SLAIN1: variants seen among roughly 807,000 people sequenced by gnomAD.
SLAIN1 encodes the protein SLAIN motif-containing protein 1.
In SLAIN1, 17 loss-of-function variants were observed where a neutral mutation model predicts 55.4. That is an observed-to-expected ratio of 0.31 (90% CI 0.21 to 0.46). SLAIN1 has a LOEUF of 0.46. SLAIN1 is among the 20% of genes least tolerant of loss of function. The pLI is 1.00. For synonymous variants in SLAIN1, 348 were observed against 337.4 expected (o/e 1.03, Z -0.35); for missense variants, 682 against 785.1 (o/e 0.87, Z 1.57).
At chr13:77,716,598 T>A (rs921283750) in intron 1 of SLAIN1, among the ~76,000 whole-genome samples, 2 of 152,304 alleles carry the variant, frequency 1.3e-5, no homozygotes, top group East Asian at 3.9e-4. Context: ...TTGTCAGATT[T>A]ATCCTTAAGC....
intron 4 of SLAIN1, among the ~76,000 whole-genome samples, chr13:77,752,123 G>A (rs61963726): frequency 0.03 from 4,574 of 152,058 alleles, 116 homozygotes; most frequent in Non-Finnish European, 0.044. Flanking sequence ...GCAAACATTT[G>A]GTGGCGTACT....
At chr13:77,716,554 T>G (rs2091209900) in intron 1 of SLAIN1, among the ~76,000 whole-genome samples, 1 of 152,170 alleles carries the variant, frequency 6.6e-6, no homozygotes, top group African/African-American at 2.4e-5. Context: ...TCAGAATGTT[T>G]TGTAGTCTTC....
Position 77,746,693 on chromosome 13 carries a change from C to A in SLAIN1, c.1096C>A (p.Pro366Thr), listed in dbSNP as rs1174222323. 1.2e-6 allele frequency: 2 copies of A among 1,613,772 alleles called. No homozygotes were observed. The highest frequency in any genetic ancestry group is 1.7e-6 in the Non-Finnish European group (2 of 1,179,820). The change falls in exon 4 of 7, where the codon CCT becomes ACT. Residue 366 changes from proline to threonine, a missense_variant. Physicochemically the swap from Pro to Thr is conservative, Grantham distance 38. Around this residue, in one of 3 missense-constraint regions of SLAIN1, gnomAD observed 244 missense variants for 295.2 expected, o/e 0.83. Transcript: ENST00000418532. ...PPQPRLPRCS[P>T]FQRGIPHSQT... ...TCAGCCTCGTCTTCCAAGATGTTCC[C>A]CTTTCCAAAGAGGAATTCCCCATTC...
chr13:77,738,062 A>G (rs1304579878), intron 2 of SLAIN1, among the ~76,000 whole-genome samples: 2 of 152,002 alleles, frequency 1.3e-5, no homozygotes, highest in Non-Finnish European at 2.9e-5. Context: ...TATCTGTGGA[A>G]GATATTTAGG....
At chr13:77,720,518 G>A (rs1230063697) in intron 2 of SLAIN1, among the ~76,000 whole-genome samples, 1 of 152,158 alleles carries the variant, frequency 6.6e-6, no homozygotes, top group Non-Finnish European at 1.5e-5. Flanking sequence ...AGCTCTTTGA[G>A]GATAATGAAT....
chr13:77,746,285 A>T (rs918701352), intron 3 of SLAIN1, among the ~76,000 whole-genome samples: 9 of 152,154 alleles, frequency 5.9e-5, no homozygotes, highest in Non-Finnish European at 1.5e-5. Context: ...TCCTCACTGG[A>T]ATTGGGGCAA....
At chr13:77,761,483 C>T (rs183882792) in intron 6 of SLAIN1, among the ~76,000 whole-genome samples, 77 of 152,206 alleles carry the variant, frequency 5.1e-4, no homozygotes, top group African/African-American at 1.7e-3. Context: ...AATTGTAGGG[C>T]GGGGGGAGGT....
intron 5 of SLAIN1, among the ~76,000 whole-genome samples, chr13:77,760,297 T>C (rs1291379357): frequency 1.3e-5 from 2 of 152,238 alleles, no homozygotes; most frequent in African/African-American, 4.8e-5. Flanking sequence ...CTTCATTTTA[T>C]AGGTTTTGCT....
At position 77,719,655 on chromosome 13, in the gene SLAIN1, C is replaced by T; in HGVS notation, c.750C>T (p.Cys250=). Residue 250 remains cysteine, a synonymous_variant, in exon 2 of 7, where the codon TGC becomes TGT. Coordinates refer to ENST00000418532, the MANE Select transcript of SLAIN1 (RefSeq NM_001242868.2). ...PEMEAARRSL[C]FRLEQGYTSR... is the part of the protein sequence containing the mutation. ...TGGAAGCAGCGAGACGTTCCCTGTG[C>T]TTTAGACTGGAGCAAGGTAATTGTG... 6.2e-7 allele frequency: 1 copy of T among 1,613,326 alleles called. No individual in the cohort carries two copies. The highest frequency in any genetic ancestry group is 8.5e-7 in the Non-Finnish European group (1 of 1,179,506).
Position 77,764,213 on chromosome 13 carries a change from A to C in SLAIN1, c.*993A>C, listed in dbSNP as rs1002524841. On this transcript the variant is annotated 3_prime_UTR_variant, in exon 7 of 7. Coordinates refer to ENST00000418532, the MANE Select transcript of SLAIN1 (RefSeq NM_001242868.2). ...GCTGTTTTGGAATGTTCAGAAATAA[A>C]GACTCTATTTCAGCAATATCAGGTC... 1.3e-5 allele frequency: 2 copies of C among 152,656 alleles called. No homozygotes were observed. The highest frequency in any genetic ancestry group is 1.3e-4 in the Admixed American group (2 of 15,284). The allele number at this position is 152,656 out of a possible 1,614,324, so 9.5% of individuals were successfully genotyped here. A position where few individuals can be genotyped will look rare whatever the true frequency, so the allele number is the denominator to read the frequency against.
At chr13:77,744,987 G>C (rs903459818) in intron 3 of SLAIN1, among the ~76,000 whole-genome samples, 3 of 152,026 alleles carry the variant, frequency 2.0e-5, no homozygotes, top group African/African-American at 7.2e-5. Context: ...TCATAAGAGA[G>C]TGCATACTGT....
At chr13:77,758,443 ATTTAT>A (rs1280088958) in intron 5 of SLAIN1, among the ~76,000 whole-genome samples, 1 of 151,594 alleles carries the variant, frequency 6.6e-6, no homozygotes, top group African/African-American at 2.4e-5. Context: ...GGTCCCATTT[ATTTAT>A]TTTTGTTTGA....
In SLAIN1 at chr13:77,698,687, G is replaced by C; in HGVS notation, c.626+148G>C. The C allele has an allele frequency of 8.1e-7, 1 of 1,239,474 alleles. No homozygotes were observed. The highest frequency in any genetic ancestry group is 2.1e-5 in the South Asian group (1 of 47,242). 76.8% of individuals were successfully genotyped at this position (1,239,474 alleles called of 1,614,324 possible). On this transcript the variant is annotated intron_variant, in intron 1 of 6. Transcript: ENST00000418532. The surrounding 1 kb of genome is among the most constrained non-coding windows in gnomAD (Gnocchi z 4.1). ...CGGAGGGGCCGACCCAGCAGGTGTT[G>C]AGCCAGGCGGTGACACTTCCCACGA...
chr13:77,761,148 G>C, intron 6 of SLAIN1, 38 bp downstream of exon 6: 1 of 1,601,286 alleles, frequency 6.2e-7, no homozygotes, highest in Non-Finnish European at 8.5e-7. Flanking sequence ...TTTGCAGTTT[G>C]GAACTAGAAA....
intron 4 of SLAIN1, among the ~76,000 whole-genome samples, chr13:77,751,923 T>G (rs1298397998): frequency 1.3e-5 from 2 of 152,128 alleles, no homozygotes; most frequent in South Asian, 2.1e-4. Flanking sequence ...CTTTAGTTTT[T>G]GGGGGATGTG....
chr13:77,751,951 G>C (rs1426860389), intron 4 of SLAIN1, among the ~76,000 whole-genome samples: 4 of 152,044 alleles, frequency 2.6e-5, no homozygotes, highest in African/African-American at 9.7e-5. Context: ...CAAGGAAAAA[G>C]TGTCTCATAG....
rs1358062881 is a variant in SLAIN1, at chr13:77,717,586, C to T, written c.627-1946C>T. 2.6e-5 allele frequency among the ~76,000 whole-genome samples: 4 copies of T among 152,240 alleles called. No individual in the cohort carries two copies. The East Asian group carries it at 5.8e-4, about 22-fold the overall frequency. The stretch of plus-strand genomic sequence containing the variant: ...TGAGTCTTTTGTGACACTTCCACCT[C>T]CCTTTAAGGAAAAACTTGTCCGCAA... On this transcript the variant is annotated intron_variant, in intron 1 of 6. Coordinates refer to ENST00000418532, the MANE Select transcript of SLAIN1 (RefSeq NM_001242868.2).
At chr13:77,754,877 C>A (rs1874488632) in intron 5 of SLAIN1, among the ~76,000 whole-genome samples, 1 of 152,142 alleles carries the variant, frequency 6.6e-6, no homozygotes, top group Non-Finnish European at 1.5e-5. Flanking sequence ...AAGGAACTCT[C>A]AGTGAATGCT....
rs897106613 is a variant in SLAIN1 at position 77,697,798 on chromosome 13, C to G, written c.-116C>G. 102 of 1,090,404 alleles carry G rather than the reference C, an allele frequency of 9.4e-5. No individual in the cohort carries two copies. The Middle Eastern group carries it at 1.8e-3, about 20-fold the overall frequency. The allele number at this position is 1,090,404 out of a possible 1,614,324, so 67.5% of individuals were successfully genotyped here. On this transcript the variant is annotated 5_prime_UTR_variant, in exon 1 of 7. Transcript: ENST00000418532. ...ACCGCCGGCTCGGCCTCAGCCCGCG[C>G]GTGGTCGGCCCCCCAGGCCGGGGCG...
Sources: allele counts gnomAD v4.1 joint callset (sites outside exome capture counted in the v4.1 genomes callset), GRCh38; gene constraint gnomAD v4.1.1; regional missense constraint gnomAD v4.1.1; non-coding constraint Gnocchi (gnomAD v3.1); transcripts MANE v1.5; gene names NCBI Gene and HGNC (gene_info 2026-07-23, HGNC 2026-07-21).